The following TMEM132B variants were observed in gnomAD, a reference collection of about 807,000 sequenced individuals.
TMEM132B encodes transmembrane protein 132B.
In TMEM132B, 18 loss-of-function variants were observed where a neutral mutation model predicts 90.8. The ratio of observed to expected loss-of-function variants is 0.20; its 90% CI spans 0.14 to 0.29. The LOEUF is 0.29. TMEM132B is among the 10% of genes least tolerant of loss of function. TMEM132B has a pLI of 1.00. For synonymous variants in TMEM132B, 504 were observed against 523.3 expected, an observed-to-expected ratio of 0.96 and a Z score of 0.50; for missense variants, 1,096 against 1,326.8, an observed-to-expected ratio of 0.83 and a Z score of 2.70.
intron 1 of TMEM132B, among the ~76,000 whole-genome samples, chr12:125,284,654 A>G (rs925973101): frequency 6.6e-6 from 1 of 152,254 alleles, no homozygotes; most frequent in African/African-American, 2.4e-5. Flanking sequence ...TCTGGTGGAT[A>G]GACATTCAAA....
chr12:125,518,475 G>C (rs370271238), intron 3 of TMEM132B, among the ~76,000 whole-genome samples: 1 of 152,142 alleles, frequency 6.6e-6, no homozygotes, highest in African/African-American at 2.4e-5. Flanking sequence ...GGGAGCTTGC[G>C]GATCAGCTGC....
At chr12:125,539,901 T>G (rs1339839282) in intron 4 of TMEM132B, among the ~76,000 whole-genome samples, 4 of 152,208 alleles carry the variant, frequency 2.6e-5, no homozygotes, top group Non-Finnish European at 5.9e-5. Context: ...GGTTTTAATT[T>G]TCTCTTTTTT....
At chr12:125,372,824 G>A (rs1461576952) in intron 2 of TMEM132B, among the ~76,000 whole-genome samples, 7 of 152,100 alleles carry the variant, frequency 4.6e-5, no homozygotes, top group Non-Finnish European at 7.4e-5. Context: ...GTCATCTCCC[G>A]CAGCGTTCTG....
At chr12:125,365,382 C>A (rs1878096416) in intron 2 of TMEM132B, among the ~76,000 whole-genome samples, 1 of 151,828 alleles carries the variant, frequency 6.6e-6, no homozygotes, top group Non-Finnish European at 1.5e-5. Flanking sequence ...TGTTAAAAAC[C>A]CTCGAAGAGA....
intron 4 of TMEM132B, among the ~76,000 whole-genome samples, chr12:125,560,173 A>G (rs539409274): frequency 2.0e-5 from 3 of 152,162 alleles, no homozygotes; most frequent in Non-Finnish European, 4.4e-5. Flanking sequence ...TGAACCAATC[A>G]CTGGGGCCCA....
rs1437881088 is a variant in TMEM132B, at chr12:125,260,528, T to C, written c.67+73662T>C. 3.3e-5 allele frequency among the ~76,000 whole-genome samples: 5 copies of C among 151,814 alleles called. No homozygotes were observed. In the East Asian group the frequency reaches 5.8e-4, roughly 18 times the overall value. On this transcript the variant is annotated intron_variant, in intron 1 of 8. Transcript: ENST00000682704. Reference sequence around the variant, plus strand: ...AAGGTTTACCTTTTTTTTTTTTTTTTCGTAGAAACAAGGTCTTGTTATGTT... The same window carrying C: ...AAGGTTTACCTTTTTTTTTTTTTTTCCGTAGAAACAAGGTCTTGTTATGTT...
At chr12:125,196,581 T>A (rs1477011971) in intron 1 of TMEM132B, among the ~76,000 whole-genome samples, 1 of 152,198 alleles carries the variant, frequency 6.6e-6, no homozygotes, top group Non-Finnish European at 1.5e-5. Context: ...TGGTGGTACA[T>A]GCCTGTGGCC....
In TMEM132B at chr12:125,519,574, C is replaced by T. The variant is rs747393718; in HGVS notation, c.1242C>T (p.Ser414=). ...ACTCCATGAGTGAGCTGGTCGTCTC[C>T]GAGATCTTCGTCAGCCAGACAACCT... The part of the protein sequence containing the change: ...IEDSMSELVV[S]EIFVSQTTFV... The change falls in exon 4 of 9, where the codon TCC becomes TCT. Residue 414 remains serine (S), a synonymous_variant. Transcript: ENST00000682704. 51 of 1,613,982 alleles carry T rather than the reference C, an allele frequency of 3.2e-5. No homozygotes were observed. Among genetic ancestry groups the T allele is most frequent in the African/African-American group, 1.6e-4 (12 of 74,880 alleles).
intron 2 of TMEM132B, among the ~76,000 whole-genome samples, chr12:125,411,180 T>TG (rs566362144): frequency 0.086 from 3,945 of 45,720 alleles, 712 homozygotes; most frequent in East Asian, 0.19. Flanking sequence ...TGGAGTGGAG[T>TG]GAGTGGAGGA....
chr12:125,392,653 C>G (rs896387480), intron 2 of TMEM132B, among the ~76,000 whole-genome samples: 6 of 152,128 alleles, frequency 3.9e-5, no homozygotes, highest in Non-Finnish European at 8.8e-5. Flanking sequence ...AAGATCATAC[C>G]AAGAAAACCC....
At chr12:125,422,947 T>C (rs1417722442) in intron 3 of TMEM132B, among the ~76,000 whole-genome samples, 4 of 152,292 alleles carry the variant, frequency 2.6e-5, no homozygotes, top group African/African-American at 9.6e-5. Context: ...CCCAGGAAAC[T>C]AGACCAGGGG....
Position 125,653,169 on chromosome 12 carries a change from A to G in TMEM132B, c.2107-396A>G, listed in dbSNP as rs532069674. ...TTCCAGCCAGTGCATGTTTTGCTCC[A>G]TCACCACTGGCTTCTTAATGAAGAG... On this transcript the variant is annotated intron_variant, in intron 8 of 8. Coordinates refer to ENST00000682704, the MANE Select transcript of TMEM132B (RefSeq NM_001366854.1). Among the ~76,000 whole-genome samples the G allele has an allele frequency of 1.3e-3, 202 of 152,360 alleles. 1 individual carries two copies. The highest frequency in any genetic ancestry group is 4.4e-3 in the African/African-American group (184 of 41,590).
chr12:125,316,011 A>G (rs1876261072), intron 1 of TMEM132B, among the ~76,000 whole-genome samples: 1 of 152,152 alleles, frequency 6.6e-6, no homozygotes, highest in African/African-American at 2.4e-5. Context: ...CTGGGGACAC[A>G]GGTGGTCTTA....
chr12:125,474,720 C>T (rs1881824196), intron 3 of TMEM132B, among the ~76,000 whole-genome samples: 1 of 152,220 alleles, frequency 6.6e-6, no homozygotes, highest in Admixed American at 6.5e-5. Context: ...ATTTAACTGA[C>T]AAGCGCAGGA....
intron 3 of TMEM132B, among the ~76,000 whole-genome samples, chr12:125,469,379 C>T (rs1490843570): frequency 6.6e-6 from 1 of 152,126 alleles, no homozygotes; most frequent in Non-Finnish European, 1.5e-5. Context: ...CTTAAAAGAC[C>T]TCATTCTCAT....
intron 1 of TMEM132B, among the ~76,000 whole-genome samples, chr12:125,288,099 C>T (rs1358111434): frequency 6.7e-6 from 1 of 148,572 alleles, no homozygotes; most frequent in African/African-American, 2.5e-5. Flanking sequence ...GTCTTAAACT[C>T]CTGACTTCAG....
In TMEM132B at chr12:125,631,234, G is replaced by A. The variant is rs182924219; in HGVS notation, c.1438-12842G>A. On this transcript the variant is annotated intron_variant, in intron 5 of 8. Transcript: ENST00000682704. ...ATTTTTCAATTTTTTTTCTTAATTT[G>A]TTCATTAATCCAATGGTCATTCAGG... Among the ~76,000 whole-genome samples, 300 of 151,256 alleles carry A rather than the reference G, an allele frequency of 2.0e-3. 2 individuals carry two copies. The highest frequency in any genetic ancestry group is 3.8e-3 in the Non-Finnish European group (256 of 67,708).
intron 5 of TMEM132B, chr12:125,587,084 G>GATTCAGTTCTATCTGTGGTTTCAGGC (rs1885195041): frequency 6.6e-6 from 1 of 151,764 alleles, no homozygotes; most frequent in Non-Finnish European, 1.5e-5. Flanking sequence ...ATGACAGTCT[G>GATTCAGTTCTATCTGTGGTTTCAGGC]ATTCAGTTCT....
At chr12:125,632,515 T>C (rs1593033910) in intron 5 of TMEM132B, among the ~76,000 whole-genome samples, 1 of 152,170 alleles carries the variant, frequency 6.6e-6, no homozygotes, top group South Asian at 2.1e-4. Flanking sequence ...TACTTATTGC[T>C]CATTAATGTC....
Sources: allele counts gnomAD v4.1 joint callset (sites outside exome capture counted in the v4.1 genomes callset), GRCh38; gene constraint gnomAD v4.1.1; transcripts MANE v1.5; gene names NCBI Gene and HGNC (gene_info 2026-07-23, HGNC 2026-07-21).